TBC1D14: variants seen among roughly 807,000 people sequenced by gnomAD.
The protein encoded by TBC1D14 is TBC1 domain family member 14.
TBC1D14 carries 26 observed loss-of-function variants against 79.0 expected under a neutral mutation model. That is an observed-to-expected ratio of 0.33 (90% CI 0.24 to 0.46). TBC1D14 has a LOEUF of 0.46. TBC1D14 is among the 20% of genes least tolerant of loss of function. The pLI, the probability that TBC1D14 is intolerant of heterozygous loss-of-function variation, is 1.00. For synonymous variants in TBC1D14, 394 were observed against 349.9 expected (o/e 1.13, Z -1.40); for missense variants, 769 against 887.6 (o/e 0.87, Z 1.70).
intron 2 of TBC1D14, among the ~76,000 whole-genome samples, chr4:6,960,437 A>G (rs1715084045): frequency 6.6e-6 from 1 of 152,050 alleles, no homozygotes; most frequent in Non-Finnish European, 1.5e-5. Context: ...AGAAGCAATG[A>G]ATATAAGCAG....
intron 2 of TBC1D14, among the ~76,000 whole-genome samples, chr4:6,924,879 G>T (rs1028556632): frequency 1.3e-5 from 2 of 152,166 alleles, no homozygotes; most frequent in South Asian, 4.1e-4. Context: ...CATGACTTAG[G>T]GTGGGCTTGT....
At chr4:6,971,121 C>G (rs533681683) in intron 3 of TBC1D14, among the ~76,000 whole-genome samples, 3 of 152,362 alleles carry the variant, frequency 2.0e-5, no homozygotes, top group Non-Finnish European at 4.4e-5. Context: ...GGTGTGCACA[C>G]TGGCCAGGAG....
intron 3 of TBC1D14, 136 bp from the exon 4 acceptor site, chr4:6,994,048 T>C: frequency 1.4e-6 from 1 of 708,864 alleles, no homozygotes; most frequent in Non-Finnish European, 2.4e-6. Context: ...TCATTCTGAA[T>C]AGCAGGAAAG....
intron 2 of TBC1D14, among the ~76,000 whole-genome samples, chr4:6,958,586 C>T (rs1223475102): frequency 9.9e-5 from 15 of 152,190 alleles, no homozygotes; most frequent in East Asian, 3.9e-4. Flanking sequence ...TGCACTACCA[C>T]GCCTGGCTTA....
chr4:7,004,625 A>C (rs1028466734), intron 7 of TBC1D14, among the ~76,000 whole-genome samples: 10 of 152,202 alleles, frequency 6.6e-5, no homozygotes, highest in African/African-American at 2.4e-4. Context: ...ACTAAATAGC[A>C]GTGATGTGTG....
intron 1 of TBC1D14, among the ~76,000 whole-genome samples, chr4:6,922,849 G>C (rs1723973796): frequency 6.6e-6 from 1 of 152,090 alleles, no homozygotes; most frequent in African/African-American, 2.4e-5. Flanking sequence ...TACTTCGGGT[G>C]CATCCTTTGT....
intron 3 of TBC1D14, among the ~76,000 whole-genome samples, chr4:6,977,168 C>A (rs1255906691): frequency 7.8e-6 from 1 of 129,032 alleles, no homozygotes; most frequent in Non-Finnish European, 1.7e-5. Context: ...CCCCTGATGC[C>A]GAGCCAAAGC....
intron 3 of TBC1D14, among the ~76,000 whole-genome samples, chr4:6,986,099 C>G (rs1717795343): frequency 6.6e-6 from 1 of 152,202 alleles, no homozygotes; most frequent in Non-Finnish European, 1.5e-5. Flanking sequence ...TGCTTCCTCT[C>G]TAGAGATTTA....
intron 2 of TBC1D14, among the ~76,000 whole-genome samples, chr4:6,960,144 CG>C (rs1209830602): frequency 7.0e-6 from 1 of 143,758 alleles, no homozygotes; most frequent in Admixed American, 7.3e-5. Context: ...TGCAATGGTG[CG>C]ATCTCAGCTC....
intron 1 of TBC1D14, among the ~76,000 whole-genome samples, chr4:6,916,402 T>C (rs1723405266): frequency 6.6e-6 from 1 of 152,180 alleles, no homozygotes; most frequent in Non-Finnish European, 1.5e-5. Context: ...ACTAAGCGGA[T>C]TTTTTTCCCC....
At chr4:7,019,079 G>C (rs1721560463) in intron 12 of TBC1D14, among the ~76,000 whole-genome samples, 1 of 152,136 alleles carries the variant, frequency 6.6e-6, no homozygotes, top group Non-Finnish European at 1.5e-5. Context: ...CTTGAGTGCA[G>C]TGGTGGATCT....
chr4:6,956,469 G>T (rs1356878153), intron 2 of TBC1D14, among the ~76,000 whole-genome samples: 1 of 152,212 alleles, frequency 6.6e-6, no homozygotes, highest in Non-Finnish European at 1.5e-5. Context: ...CGCCATCCCC[G>T]CTGATGGCTC....
intron 12 of TBC1D14, among the ~76,000 whole-genome samples, chr4:7,016,404 G>A (rs969205890): frequency 7.2e-5 from 11 of 152,186 alleles, no homozygotes; most frequent in Non-Finnish European, 7.3e-5. Flanking sequence ...CTGCCCCACC[G>A]TGTGCATTTG....
At chr4:6,956,663 A>G (rs1714670657) in intron 2 of TBC1D14, among the ~76,000 whole-genome samples, 1 of 152,210 alleles carries the variant, frequency 6.6e-6, no homozygotes, top group South Asian at 2.1e-4. Flanking sequence ...TGGAAGGGCA[A>G]GGCTGGCATA....
At chr4:6,941,429 G>T (rs527986157) in intron 2 of TBC1D14, among the ~76,000 whole-genome samples, 140 of 152,244 alleles carry the variant, frequency 9.2e-4, no homozygotes, top group Middle Eastern at 3.4e-3. Flanking sequence ...CAGGTGATTT[G>T]CCGTCTTGGC....
intron 12 of TBC1D14, among the ~76,000 whole-genome samples, chr4:7,015,906 C>T (rs770264707): frequency 2.0e-5 from 3 of 152,212 alleles, no homozygotes; most frequent in East Asian, 1.9e-4. Context: ...ATGTACTATT[C>T]GACCAGAAAG....
chr4:6,964,338 G>A (rs887495931), intron 2 of TBC1D14, among the ~76,000 whole-genome samples: 4 of 152,012 alleles, frequency 2.6e-5, no homozygotes, highest in East Asian at 1.9e-4. Flanking sequence ...CAATTCTCCC[G>A]TCCATTCCTT....
At chr4:7,001,466 G>C (rs1719666659) in intron 7 of TBC1D14, 1 of 520,160 alleles carries the variant, frequency 1.9e-6, no homozygotes, top group Non-Finnish European at 3.5e-6. Flanking sequence ...AGGAGCTCTT[G>C]AATAGAGGGG....
chr4:6,951,163 G>A (rs906483337), intron 2 of TBC1D14, among the ~76,000 whole-genome samples: 1 of 152,060 alleles, frequency 6.6e-6, no homozygotes, highest in African/African-American at 2.4e-5. Flanking sequence ...GTAGTGGCAG[G>A]CACCTATAAT....
Sources: allele counts gnomAD v4.1 joint callset (sites outside exome capture counted in the v4.1 genomes callset), GRCh38; gene constraint gnomAD v4.1.1; transcripts MANE v1.5; gene names NCBI Gene and HGNC (gene_info 2026-07-23, HGNC 2026-07-21).